Variants in SMYD3 observed in about 807,000 individuals in gnomAD.
SMYD3 encodes SET and MYND domain containing 3.
A neutral mutation model predicts 57.7 loss-of-function variants in SMYD3; 36 were observed. The observed-to-expected ratio is 0.62, with a 90% CI of 0.48 to 0.82. The LOEUF (loss-of-function observed/expected upper bound fraction) is 0.82, where lower values mean the gene tolerates loss of function less well. Among genes scored for constraint, SMYD3 ranks in the 40% least tolerant of loss-of-function variants. SMYD3 has a pLI of 0.00. For synonymous variants in SMYD3, 211 were observed against 195.0 expected (o/e 1.08, Z -0.68); for missense variants, 515 against 538.8 (o/e 0.96, Z 0.44).
intron 11 of SMYD3, among the ~76,000 whole-genome samples, chr1:245,761,610 G>A (rs2045846106): frequency 6.6e-6 from 1 of 152,020 alleles, no homozygotes; most frequent in Non-Finnish European, 1.5e-5. Context: ...TCCCTGAGTT[G>A]GCATCATGGG....
At chr1:246,411,664 T>G (rs1231340207) in intron 1 of SMYD3, among the ~76,000 whole-genome samples, 1 of 152,110 alleles carries the variant, frequency 6.6e-6, no homozygotes, top group Non-Finnish European at 1.5e-5. Flanking sequence ...GATGAGTTCA[T>G]GCCCTTTGTA....
At chr1:246,111,555 C>G (rs2061242585) in intron 5 of SMYD3, 1 of 152,164 alleles carries the variant, frequency 6.6e-6, no homozygotes, top group South Asian at 2.1e-4. Context: ...CTTTATAAGC[C>G]CTCTGGCCTC....
At chr1:245,982,031 T>C (rs574228343) in intron 5 of SMYD3, among the ~76,000 whole-genome samples, 15 of 152,348 alleles carry the variant, frequency 9.8e-5, no homozygotes, top group Admixed American at 3.3e-4. Context: ...TGTGGAACTG[T>C]AGCTCTTTAC....
chr1:246,249,761 A>C (rs994510112), intron 5 of SMYD3, among the ~76,000 whole-genome samples: 3 of 152,228 alleles, frequency 2.0e-5, no homozygotes, highest in African/African-American at 7.2e-5. Context: ...AGATCAGGTC[A>C]CGTTAAGTCT....
intron 10 of SMYD3, among the ~76,000 whole-genome samples, chr1:245,790,182 G>C (rs558870985): frequency 6.6e-6 from 1 of 152,298 alleles, no homozygotes; most frequent in African/African-American, 2.4e-5. Context: ...ACTTTCATTG[G>C]GGGCTGGTAG....
At chr1:246,461,256 C>G (rs953827698) in intron 1 of SMYD3, among the ~76,000 whole-genome samples, 1 of 150,906 alleles carries the variant, frequency 6.6e-6, no homozygotes, top group Admixed American at 6.6e-5. Flanking sequence ...TGGAAATTAT[C>G]TGAAATTAGT....
At chr1:246,173,970 C>T (rs146704364) in intron 5 of SMYD3, among the ~76,000 whole-genome samples, 2 of 152,132 alleles carry the variant, frequency 1.3e-5, no homozygotes, top group Admixed American at 6.5e-5. Context: ...CCACACCTGA[C>T]TATTTTTTAT....
intron 5 of SMYD3, among the ~76,000 whole-genome samples, chr1:245,931,784 T>A (rs990582554): frequency 6.6e-6 from 1 of 152,222 alleles, no homozygotes; most frequent in Non-Finnish European, 1.5e-5. Flanking sequence ...GAAAACACAC[T>A]GAGTCCTCTG....
intron 5 of SMYD3, among the ~76,000 whole-genome samples, chr1:246,245,330 C>T (rs1230373052): frequency 1.3e-5 from 2 of 152,022 alleles, no homozygotes; most frequent in Non-Finnish European, 2.9e-5. Context: ...GTAATCCCAG[C>T]TATTCAGGAG....
chr1:245,764,178 C>G, intron 10 of SMYD3, 29 bp from the exon 11 acceptor site: 2 of 1,470,202 alleles, frequency 1.4e-6, no homozygotes, highest in South Asian at 2.3e-5. Context: ...CAAACAGTGT[C>G]AGCAGCCCTC....
intron 5 of SMYD3, among the ~76,000 whole-genome samples, chr1:246,221,684 A>G (rs2063256652): frequency 6.6e-6 from 1 of 152,184 alleles, no homozygotes; most frequent in South Asian, 2.1e-4. Flanking sequence ...GGAGCTGCCC[A>G]CACCATAGCA....
At chr1:246,318,019 A>C (rs2148645292) in intron 5 of SMYD3, among the ~76,000 whole-genome samples, 1 of 152,328 alleles carries the variant, frequency 6.6e-6, no homozygotes, top group East Asian at 1.9e-4. Flanking sequence ...GATTTCTTGA[A>C]TCTTATCATG....
intron 5 of SMYD3, among the ~76,000 whole-genome samples, chr1:246,164,273 A>C (rs1279612931): frequency 3.3e-5 from 5 of 152,138 alleles, no homozygotes; most frequent in Admixed American, 6.5e-5. Flanking sequence ...ATACAAAAAA[A>C]TTAGCTGGGC....
At chr1:246,048,238 C>CAA (rs1326434659) in intron 5 of SMYD3, among the ~76,000 whole-genome samples, 1 of 152,188 alleles carries the variant, frequency 6.6e-6, no homozygotes, top group Non-Finnish European at 1.5e-5. Context: ...AAAAATATTT[C>CAA]ATTTCAAGCA....
rs145023938 is a variant in SMYD3 at position 245,915,595 on chromosome 1, G to T, written c.748C>A (p.Arg250=). 5 of 1,613,868 alleles carry T rather than the reference G, an allele frequency of 3.1e-6. No individual in the cohort carries two copies. The African/African-American group carries it at 4.0e-5, about 13-fold the overall frequency. The change falls in exon 8 of 12, where the codon CGG becomes AGG. Residue 250 remains arginine (R), a synonymous_variant. Coordinates refer to ENST00000490107, the MANE Select transcript of SMYD3 (RefSeq NM_001167740.2). ...CAGTACTGGTCCCTCAGCTGCTTCC[G>T]GCGCTCCTCACTGGTCATCAGCATA... The part of the protein sequence containing the change: ...LDMLMTSEER[R]KQLRDQYCFE...
At chr1:246,284,900 A>T (rs1161475209) in intron 5 of SMYD3, among the ~76,000 whole-genome samples, 5 of 151,710 alleles carry the variant, frequency 3.3e-5, no homozygotes, top group Non-Finnish European at 7.4e-5. Flanking sequence ...CAGGTTGCTA[A>T]TATTTTATTT....
chr1:246,280,173 T>C (rs1016854740), intron 5 of SMYD3, among the ~76,000 whole-genome samples: 3 of 152,214 alleles, frequency 2.0e-5, no homozygotes, highest in Non-Finnish European at 4.4e-5. Context: ...ATGCTCAGTT[T>C]CTTATAACTG....
At chr1:245,772,566 G>A (rs1339516668) in intron 10 of SMYD3, among the ~76,000 whole-genome samples, 3 of 152,186 alleles carry the variant, frequency 2.0e-5, no homozygotes, top group Non-Finnish European at 4.4e-5. Flanking sequence ...GGGAGGCTGA[G>A]GTGGGAGGAT....
At chr1:245,994,070 G>A (rs2058873475) in intron 5 of SMYD3, among the ~76,000 whole-genome samples, 1 of 152,130 alleles carries the variant, frequency 6.6e-6, no homozygotes, top group Admixed American at 6.5e-5. Context: ...TGTCTTTTCT[G>A]GTTGGTCCAT....
Sources: allele counts gnomAD v4.1 joint callset (sites outside exome capture counted in the v4.1 genomes callset), GRCh38; gene constraint gnomAD v4.1.1; transcripts MANE v1.5; gene names NCBI Gene and HGNC (gene_info 2026-07-23, HGNC 2026-07-21).